The following FLI1 variants were observed in gnomAD, a reference collection of about 807,000 sequenced individuals.
The protein encoded by FLI1 is Friend leukemia integration 1 transcription factor.
Under a neutral mutation model 53.1 loss-of-function variants are expected in FLI1, and 13 were observed. The ratio of observed to expected loss-of-function variants is 0.24; its 90% CI spans 0.16 to 0.39. FLI1 has a LOEUF of 0.39. Ranked by LOEUF, FLI1 falls within the 10% of genes least tolerant of loss-of-function variation. The pLI is 1.00. For missense variants in FLI1, 424 were observed against 600.5 expected (o/e 0.71, Z 3.07); for synonymous variants, 244 against 236.7 (o/e 1.03, Z -0.28).
At chr11:128,808,410 A>G (rs558337076) in intron 7 of FLI1, among the ~76,000 whole-genome samples, 1 of 152,352 alleles carries the variant, frequency 6.6e-6, no homozygotes, top group Admixed American at 6.5e-5. Context: ...TAAACCTCTC[A>G]CCTAAACCAG....
chr11:128,715,034 C>T (rs1411533913), intron 1 of FLI1, among the ~76,000 whole-genome samples: 1 of 152,074 alleles, frequency 6.6e-6, no homozygotes, highest in African/African-American at 2.4e-5. Flanking sequence ...ACTTGACTTC[C>T]ACCACAGCCC....
chr11:128,728,690 G>A (rs117866571), intron 1 of FLI1, among the ~76,000 whole-genome samples: 60 of 152,336 alleles, frequency 3.9e-4, no homozygotes, highest in Admixed American at 1.8e-3. Flanking sequence ...GTTCCAGTGC[G>A]TTCTGTATTG....
intron 1 of FLI1, among the ~76,000 whole-genome samples, chr11:128,719,047 C>T (rs900662575): frequency 6.6e-6 from 1 of 152,166 alleles, no homozygotes; most frequent in Non-Finnish European, 1.5e-5. Context: ...AACATTTCCA[C>T]AAATTTTGTC....
chr11:128,766,248 A>G (rs926212937), intron 2 of FLI1, among the ~76,000 whole-genome samples: 1 of 152,178 alleles, frequency 6.6e-6, no homozygotes, highest in Non-Finnish European at 1.5e-5. Context: ...AGCAGAAGCC[A>G]AAGGGCCAAA....
chr11:128,723,933 A>AGT (rs1939360238), intron 1 of FLI1, among the ~76,000 whole-genome samples: 1 of 80,996 alleles, frequency 1.2e-5, no homozygotes, highest in Admixed American at 1.4e-4. Flanking sequence ...AATGGAGTTG[A>AGT]TTTTTTTTTT....
At chr11:128,743,238 T>TA (rs1426446217) in intron 1 of FLI1, among the ~76,000 whole-genome samples, 2 of 151,702 alleles carry the variant, frequency 1.3e-5, no homozygotes, top group South Asian at 2.1e-4. Flanking sequence ...AAATAAAGAA[T>TA]AAAAAAATAA....
intron 1 of FLI1, among the ~76,000 whole-genome samples, chr11:128,742,819 A>T (rs1441574909): frequency 6.6e-6 from 1 of 152,210 alleles, no homozygotes; most frequent in Admixed American, 6.5e-5. Context: ...ACGAGTATGC[A>T]TTTGTTGGTT....
Position 128,810,580 on chromosome 11 carries a change from G to C in FLI1, c.951G>C (p.Val317=), listed in dbSNP as rs887292064. The C allele has an allele frequency of 1.2e-5, 20 of 1,613,624 alleles. No homozygotes were observed. In the African/African-American group the frequency reaches 2.5e-4, roughly 20 times the overall value. ...GEFKMTDPDE[V]ARRWGERKSK... ...TCAAAATGACGGACCCCGATGAGGT[G>C]GCCAGGCGCTGGGGCGAGCGGAAAA... The change falls in exon 9 of 9, where the codon GTG becomes GTC. Residue 317 remains valine, a synonymous_variant. Transcript: ENST00000527786. The surrounding 1 kb of genome is among the most constrained non-coding windows in gnomAD (Gnocchi z 6.6).
At chr11:128,686,355 G>T (rs764684024), upstream of FLI1, 1 of 456,294 alleles carries the variant, frequency 2.2e-6, no homozygotes, top group South Asian at 1.5e-5. Flanking sequence ...TCTGATTTCG[G>T]GCAGGGGAGA....
At chr11:128,697,956 C>A (rs150120748) in intron 1 of FLI1, among the ~76,000 whole-genome samples, 1 of 152,102 alleles carries the variant, frequency 6.6e-6, no homozygotes, top group Non-Finnish European at 1.5e-5. Flanking sequence ...AAAGTAATGA[C>A]GCTATATAGC....
chr11:128,794,072 T>A (rs1291615910), intron 5 of FLI1, among the ~76,000 whole-genome samples: 2 of 152,182 alleles, frequency 1.3e-5, no homozygotes, highest in Admixed American at 1.3e-4. Context: ...GATGTTACTA[T>A]TTTAGGCCTG....
intron 1 of FLI1, among the ~76,000 whole-genome samples, chr11:128,735,227 TAAC>T (rs1939871425): frequency 6.6e-6 from 1 of 152,192 alleles, no homozygotes; most frequent in African/African-American, 2.4e-5. Flanking sequence ...TTATTACTGA[TAAC>T]AACAAAATGA....
At chr11:128,706,137 C>T (rs147744589) in intron 1 of FLI1, among the ~76,000 whole-genome samples, 97 of 152,340 alleles carry the variant, frequency 6.4e-4, no homozygotes, top group Non-Finnish European at 1.3e-3. Flanking sequence ...GAGCTCAACA[C>T]AACAGGTGTG....
chr11:128,706,787 A>C (rs1220022976), intron 1 of FLI1, among the ~76,000 whole-genome samples: 3 of 152,220 alleles, frequency 2.0e-5, no homozygotes, highest in Non-Finnish European at 2.9e-5. Flanking sequence ...CCACATGGGT[A>C]AGTGAGTAAT....
intron 4 of FLI1, among the ~76,000 whole-genome samples, chr11:128,774,974 G>A (rs1056992465): frequency 1.5e-4 from 23 of 152,130 alleles, no homozygotes; most frequent in African/African-American, 5.6e-4. Flanking sequence ...GGTATAGCAT[G>A]GCAAGAAAAA....
intron 1 of FLI1, among the ~76,000 whole-genome samples, chr11:128,699,517 T>C (rs1030486290): frequency 1.3e-5 from 2 of 152,194 alleles, no homozygotes; most frequent in African/African-American, 4.8e-5. Context: ...CCAGCCACAA[T>C]AGCTTTTTTC....
intron 3 of FLI1, among the ~76,000 whole-genome samples, chr11:128,770,165 A>AAACTTT (rs1468329077): frequency 1.3e-5 from 2 of 152,240 alleles, no homozygotes; most frequent in Non-Finnish European, 2.9e-5. Context: ...TTCTTTGATC[A>AAACTTT]GTGTTGAAAT....
chr11:128,713,133 G>T (rs1483667920), intron 1 of FLI1, among the ~76,000 whole-genome samples: 1 of 152,198 alleles, frequency 6.6e-6, no homozygotes, highest in Non-Finnish European at 1.5e-5. Context: ...ACTCCTCTCA[G>T]AAAATGAGGC....
chr11:128,694,338 G>A (rs1221733744), intron 1 of FLI1, 62 bp downstream of exon 1: 2 of 1,235,084 alleles, frequency 1.6e-6, no homozygotes, highest in Non-Finnish European at 2.1e-6. Flanking sequence ...AGCGGCGGGC[G>A]GGTAGGTGCG....
Sources: gnomAD v4.1 joint callset for allele counts (sites outside exome capture counted in the v4.1 genomes callset) on GRCh38, gnomAD v4.1.1 for gene constraint, Gnocchi (gnomAD v3.1) non-coding constraint, MANE v1.5 for transcripts, NCBI Gene and HGNC (gene_info 2026-07-23, HGNC 2026-07-21) for gene names.